The following TLL2 variants were observed in gnomAD, a reference collection of about 807,000 sequenced individuals.
TLL2 encodes the protein tolloid like 2.
A neutral mutation model predicts 123.0 loss-of-function variants in TLL2; 106 were observed. The ratio of observed to expected loss-of-function variants is 0.86; its 90% CI spans 0.74 to 1.01. The LOEUF (loss-of-function observed/expected upper bound fraction) is 1.01, where lower values mean the gene tolerates loss of function less well. Among genes scored for constraint, TLL2 ranks in the 50% least tolerant of loss-of-function variants. The pLI is 0.00. For missense variants in TLL2, 1,332 were observed against 1,336.7 expected (o/e 1.00, Z 0.06); for synonymous variants, 494 against 516.8 (o/e 0.96, Z 0.60).
intron 2 of TLL2, 120 bp from the exon 3 acceptor site, chr10:96,446,288 G>A (rs1321809246): frequency 2.2e-6 from 2 of 905,896 alleles, no homozygotes; most frequent in East Asian, 2.5e-5. Context: ...GGATTCGTAA[G>A]CTTCGTTCCA....
intron 20 of TLL2, among the ~76,000 whole-genome samples, chr10:96,369,498 C>T (rs983720972): frequency 6.6e-6 from 1 of 152,134 alleles, no homozygotes; most frequent in Non-Finnish European, 1.5e-5. Context: ...TGGTGGCTCA[C>T]GCCTGTAGTC....
In TLL2 at chr10:96,386,098, CG is replaced by C. The variant is rs1470631432; in HGVS notation, c.1969del (p.Arg657GlyfsTer22). 6.2e-6 allele frequency: 10 copies of C among 1,610,968 alleles called. No individual in the cohort carries two copies. Among genetic ancestry groups the C allele is most frequent in the Non-Finnish European group, 8.5e-6 (10 of 1,178,640 alleles). On this transcript the variant is annotated frameshift_variant, in exon 15 of 21. Coordinates refer to ENST00000357947, the MANE Select transcript of TLL2 (RefSeq NM_012465.4). LOFTEE classifies it high-confidence loss of function. ...VWQVVAPAQY[R>X]ISLQFEVFEL... is the part of the protein sequence containing the mutation. Reference sequence around the variant, plus strand: ...AAACACTTCAAACTGAAGGGAGATCCGGTACTGAGCGGGGGCCACCACCTGC... The same window carrying C: ...AAACACTTCAAACTGAAGGGAGATCCGTACTGAGCGGGGGCCACCACCTGC...
chr10:96,476,245 A>ATTTTTTTTTTTTTTTTTTT (rs1554939643), intron 2 of TLL2, among the ~76,000 whole-genome samples: 1 of 53,902 alleles, frequency 1.9e-5, no homozygotes, highest in Non-Finnish European at 3.7e-5. Flanking sequence ...TATATATTTT[A>ATTTTTTTTTTTTTTTTTTT]TTTTTGTTGT....
At chr10:96,444,063 C>T (rs190026028) in intron 3 of TLL2, among the ~76,000 whole-genome samples, 30 of 152,300 alleles carry the variant, frequency 2.0e-4, no homozygotes, top group Admixed American at 1.0e-3. Context: ...AAATGTTCAA[C>T]GGCACCAGCA....
At chr10:96,375,546 C>T (rs1339388703) in intron 18 of TLL2, among the ~76,000 whole-genome samples, 1 of 152,122 alleles carries the variant, frequency 6.6e-6, no homozygotes, top group Non-Finnish European at 1.5e-5. Context: ...CCCTAAGGCT[C>T]TCTTCAGTTC....
At chr10:96,511,283 A>G (rs991102154) in intron 1 of TLL2, among the ~76,000 whole-genome samples, 13 of 152,230 alleles carry the variant, frequency 8.5e-5, no homozygotes, top group African/African-American at 2.9e-4. Context: ...ACTTCAGTAC[A>G]CTGATGAACT....
In TLL2 at chr10:96,370,248, G is replaced by A; in HGVS notation, c.2730C>T (p.Asp910=). 1 of 1,613,180 alleles carries A rather than the reference G, an allele frequency of 6.2e-7. No homozygotes were observed. The highest frequency in any genetic ancestry group is 8.5e-7 in the Non-Finnish European group (1 of 1,179,496). Reference sequence around the variant, plus strand: ...AGCGGGCCTCGCTCGGGTAGTTGTTGTCCCCAAACTGGGCGTGGGAATAGA... The same window carrying A: ...AGCGGGCCTCGCTCGGGTAGTTGTTATCCCCAAACTGGGCGTGGGAATAGA... The part of the protein sequence containing the change: ...KELYSHAQFG[D]NNYPSEARCD... Residue 910 remains aspartate, a synonymous_variant, in exon 20 of 21, where the codon GAC becomes GAT. Coordinates refer to ENST00000357947, the MANE Select transcript of TLL2 (RefSeq NM_012465.4).
intron 10 of TLL2, among the ~76,000 whole-genome samples, chr10:96,397,566 CCT>C (rs1846353783): frequency 6.6e-6 from 1 of 152,200 alleles, no homozygotes; most frequent in East Asian, 1.9e-4. Flanking sequence ...GCCCAGGCAG[CCT>C]CTCCCCTGCC....
intron 2 of TLL2, among the ~76,000 whole-genome samples, chr10:96,454,548 T>A (rs532534587): frequency 2.0e-5 from 3 of 152,350 alleles, no homozygotes; most frequent in African/African-American, 7.2e-5. Context: ...ACCTCTGTTG[T>A]TCACCTGGCA....
intron 2 of TLL2, among the ~76,000 whole-genome samples, chr10:96,447,984 G>A (rs781280984): frequency 6.6e-5 from 10 of 152,208 alleles, no homozygotes; most frequent in Non-Finnish European, 1.3e-4. Context: ...ATGGCACCAC[G>A]AACCCAACCC....
At chr10:96,498,334 C>T (rs1013987065) in intron 1 of TLL2, among the ~76,000 whole-genome samples, 24 of 152,166 alleles carry the variant, frequency 1.6e-4, no homozygotes, top group African/African-American at 5.8e-4. Context: ...AGGGTTCTCA[C>T]GGGAAATATT....
At chr10:96,444,045 A>C (rs1021933091) in intron 3 of TLL2, among the ~76,000 whole-genome samples, 5 of 152,242 alleles carry the variant, frequency 3.3e-5, no homozygotes, top group Non-Finnish European at 7.3e-5. Context: ...ACTGACAAAC[A>C]TAGGAAAAAA....
intron 18 of TLL2, among the ~76,000 whole-genome samples, chr10:96,374,967 G>A (rs1269717891): frequency 1.4e-5 from 2 of 145,266 alleles, no homozygotes; most frequent in African/African-American, 5.1e-5. Context: ...GTTGCGGGGG[G>A]GGGGGGGGGG....
At position 96,446,135 on chromosome 10, in the gene TLL2, G is replaced by T. The variant is rs1402797325; in HGVS notation, c.320C>A (p.Pro107Gln). ...GCCAGTGTCCATGGCTGTGGTGTCT[G>T]GGCTGCTCTCAGATGCCTGCTCTTC... ...GLEEQASESS[P>Q]DTTAMDTGTK... Residue 107 changes from proline to glutamine, a missense_variant, in exon 3 of 21, where the codon CCA becomes CAA. Transcript: ENST00000357947. The T allele has an allele frequency of 6.2e-7, 1 of 1,614,132 alleles. No individual in the cohort carries two copies. The highest frequency in any genetic ancestry group is 1.7e-5 in the Admixed American group (1 of 60,008).
chr10:96,448,757 G>C (rs1229974670), intron 2 of TLL2, among the ~76,000 whole-genome samples: 2 of 152,136 alleles, frequency 1.3e-5, no homozygotes, highest in African/African-American at 4.8e-5. Context: ...CCTGGGGTGG[G>C]AGTGTGCTTG....
At chr10:96,511,507 T>C (rs1485377105) in intron 1 of TLL2, among the ~76,000 whole-genome samples, 1 of 152,224 alleles carries the variant, frequency 6.6e-6, no homozygotes, top group East Asian at 1.9e-4. Flanking sequence ...ACACTGGCCA[T>C]ATCCTCTGCC....
In TLL2 at chr10:96,480,399, T is replaced by A. The variant is rs61738802; in HGVS notation, c.236A>T (p.Lys79Ile). ...TGTCTGCTTGGTCCAGTCTCTGGCTTTGTCAATGTGAAACAGCTTCAAGTC... is the reference window on the plus strand; with the variant it reads ...TGTCTGCTTGGTCCAGTCTCTGGCTATGTCAATGTGAAACAGCTTCAAGTC... Reference protein sequence around the residue: ...EDDLKLFHIDKARDWTKQTVG... With the variant: ...EDDLKLFHIDIARDWTKQTVG... Residue 79 changes from lysine to isoleucine, a missense_variant, in exon 2 of 21, where the codon AAA (lysine) becomes ATA (isoleucine). Transcript: ENST00000357947. 1,220 of 1,614,188 alleles carry A rather than the reference T, an allele frequency of 7.6e-4. 10 individuals are homozygous for A. The African/African-American group carries it at 0.014, about 19-fold the overall frequency.
At chr10:96,379,187 A>G in intron 16 of TLL2, 95 bp from the exon 17 acceptor site, 1 of 1,481,480 alleles carries the variant, frequency 6.8e-7, no homozygotes, top group Non-Finnish European at 9.2e-7. Context: ...TCCTCTGGGA[A>G]GCCTCTCTGA....
At position 96,476,240 on chromosome 10, in the gene TLL2, A is replaced by ATATATATATATATATTTTTTTTTT; in HGVS notation, c.286+4108_286+4109insAAAAAAAAAATATATATATATATA. Reference sequence around the variant, plus strand: ...TTTATATGTATATATATATATATATATTTTATTTTTGTTGTTGTTGTTGTT... The same window carrying ATATATATATATATATTTTTTTTTT: ...TTTATATGTATATATATATATATATATATATATATATATATTTTTTTTTTTTTTATTTTTGTTGTTGTTGTTGTT... On this transcript the variant is annotated intron_variant, in intron 2 of 20. Transcript: ENST00000357947. Among the ~76,000 whole-genome samples the ATATATATATATATATTTTTTTTTT allele has an allele frequency of 2.0e-4, 4 of 20,498 alleles. 1 individual carries two copies. The highest frequency in any genetic ancestry group is 2.1e-3 in the East Asian group (1 of 466). 13.4% of individuals were successfully genotyped at this position (20,498 alleles called of 152,430 possible).
Sources: allele counts gnomAD v4.1 joint callset (sites outside exome capture counted in the v4.1 genomes callset), GRCh38; gene constraint gnomAD v4.1.1; transcripts MANE v1.5; gene names NCBI Gene and HGNC (gene_info 2026-07-23, HGNC 2026-07-21).